Variants in JAZF1 observed in about 807,000 individuals in gnomAD.
The protein encoded by JAZF1 is JAZF zinc finger 1, also known as juxtaposed with another zinc finger protein 1.
In JAZF1, 8 loss-of-function variants were observed where a neutral mutation model predicts 26.4. The observed-to-expected ratio is 0.30, with a 90% confidence interval of 0.18 to 0.55. JAZF1 has a LOEUF of 0.55. JAZF1 is among the 20% of genes least tolerant of loss of function. The pLI is 0.94. For synonymous variants in JAZF1, 126 were observed against 122.3 expected, an observed-to-expected ratio of 1.03 and a Z score of -0.20; for missense variants, 199 against 322.0, an observed-to-expected ratio of 0.62 and a Z score of 2.92.
At chr7:28,171,553 AC>A (rs1174303823) in intron 1 of JAZF1, among the ~76,000 whole-genome samples, 2 of 152,270 alleles carry the variant, frequency 1.3e-5, no homozygotes, top group Admixed American at 6.5e-5. Flanking sequence ...TTCAGAGCAC[AC>A]CCCCGCTGGT....
chr7:28,080,265 T>C (rs901759620), intron 1 of JAZF1, among the ~76,000 whole-genome samples: 2 of 152,112 alleles, frequency 1.3e-5, no homozygotes, highest in Non-Finnish European at 2.9e-5. Context: ...CTTCATAGAA[T>C]TGAAGAGACT....
intron 1 of JAZF1, among the ~76,000 whole-genome samples, chr7:28,092,817 C>T (rs1290168246): frequency 1.3e-5 from 2 of 150,692 alleles, no homozygotes; most frequent in Non-Finnish European, 2.9e-5. Context: ...GCCGTAATTA[C>T]ACAACTGCAC....
chr7:27,929,071 C>T (rs1235649328), intron 2 of JAZF1, among the ~76,000 whole-genome samples: 2 of 152,216 alleles, frequency 1.3e-5, no homozygotes, highest in African/African-American at 4.8e-5. Context: ...AAACTGGCAA[C>T]TCAGTTTTCT....
At chr7:28,046,677 T>C (rs1783502190) in intron 1 of JAZF1, among the ~76,000 whole-genome samples, 1 of 152,230 alleles carries the variant, frequency 6.6e-6, no homozygotes, top group Non-Finnish European at 1.5e-5. Context: ...ATCATTTTCA[T>C]TTTTGGCAAT....
At position 27,929,881 on chromosome 7, in the gene JAZF1, C is replaced by A. The variant is rs185429886; in HGVS notation, c.189-34465G>T. 4.6e-5 allele frequency among the ~76,000 whole-genome samples: 7 copies of A among 151,708 alleles called. No individual in the cohort carries two copies. The East Asian group carries it at 1.2e-3, about 25-fold the overall frequency. The stretch of plus-strand genomic sequence containing the variant: ...ATCAACAGTGGTTATCTCTGGGGAG[C>A]AAAATTTTGGGAGAATTTATTTCCT... On this transcript the variant is annotated intron_variant, in intron 2 of 4. Coordinates refer to ENST00000283928, the MANE Select transcript of JAZF1 (RefSeq NM_175061.4).
At chr7:27,906,609 G>A (rs1282370028) in intron 2 of JAZF1, among the ~76,000 whole-genome samples, 1 of 152,184 alleles carries the variant, frequency 6.6e-6, no homozygotes, top group African/African-American at 2.4e-5. Context: ...TATCAGTGAA[G>A]CAATTAATTT....
intron 1 of JAZF1, among the ~76,000 whole-genome samples, chr7:28,051,343 C>T (rs562458236): frequency 2.6e-5 from 4 of 151,566 alleles, no homozygotes; most frequent in African/African-American, 9.7e-5. Flanking sequence ...TCTTAGCCTC[C>T]CAAGTAGCTG....
intron 2 of JAZF1, among the ~76,000 whole-genome samples, chr7:27,900,421 T>C (rs1784145956): frequency 6.6e-6 from 1 of 152,256 alleles, no homozygotes; most frequent in Non-Finnish European, 1.5e-5. Context: ...TTTGGTAGAA[T>C]TATTTATAAC....
chr7:27,962,003 T>C (rs1785193417), intron 2 of JAZF1, among the ~76,000 whole-genome samples: 1 of 152,198 alleles, frequency 6.6e-6, no homozygotes. Flanking sequence ...TGAGCTCTGT[T>C]ACCTTATCTA....
intron 3 of JAZF1, among the ~76,000 whole-genome samples, chr7:27,875,119 T>C (rs915025940): frequency 1.3e-5 from 2 of 152,304 alleles, no homozygotes; most frequent in Non-Finnish European, 2.9e-5. Flanking sequence ...TCCTTGACTG[T>C]AGGCTGCCCC....
intron 1 of JAZF1, among the ~76,000 whole-genome samples, chr7:28,033,672 G>A (rs1164272030): frequency 6.6e-6 from 1 of 152,158 alleles, no homozygotes; most frequent in South Asian, 2.1e-4. Context: ...CAAATGACAT[G>A]CACCTCTTTC....
Position 27,895,362 on chromosome 7 carries a change from C to T in JAZF1, c.243G>A (p.Gln81=). 1 of 1,608,514 alleles carries T rather than the reference C, an allele frequency of 6.2e-7. No homozygotes were observed. The highest frequency in any genetic ancestry group is 8.5e-7 in the Non-Finnish European group (1 of 1,177,574). The stretch of plus-strand genomic sequence containing the variant: ...TGGACAGAGTCAGCGAGAGCTTCGG[C>T]TGAATCTTCTTCTTTAGGGACTCCT... The part of the protein sequence containing the change: ...REQESLKKKI[Q]PKLSLTLSSS... The change falls in exon 3 of 5, where the codon CAG becomes CAA. Residue 81 remains glutamine (Q), a synonymous_variant. Coordinates refer to ENST00000283928, the MANE Select transcript of JAZF1 (RefSeq NM_175061.4).
chr7:27,983,590 A>G (rs1465674573), intron 2 of JAZF1, among the ~76,000 whole-genome samples: 1 of 152,228 alleles, frequency 6.6e-6, no homozygotes, highest in Non-Finnish European at 1.5e-5. Flanking sequence ...AATTCAGGAA[A>G]TACAGAGAAC....
chr7:27,933,347 A>G (rs1023186979), intron 2 of JAZF1, among the ~76,000 whole-genome samples: 2 of 152,178 alleles, frequency 1.3e-5, no homozygotes, highest in Non-Finnish European at 2.9e-5. Flanking sequence ...CCAAGCATGG[A>G]GAGGGTAAGA....
intron 3 of JAZF1, among the ~76,000 whole-genome samples, chr7:27,885,081 G>GA (rs1783835311): frequency 6.6e-6 from 1 of 152,200 alleles, no homozygotes; most frequent in South Asian, 2.1e-4. Flanking sequence ...TAAAGACTTT[G>GA]AGATGCCCTT....
chr7:27,861,160 C>G (rs1020563115), intron 3 of JAZF1, among the ~76,000 whole-genome samples: 1 of 152,230 alleles, frequency 6.6e-6, no homozygotes, highest in Non-Finnish European at 1.5e-5. Flanking sequence ...CTGAGCTGCA[C>G]TAACTCCCAT....
In JAZF1 at chr7:28,046,426, C is replaced by T. The variant is rs1010405430; in HGVS notation, c.116-54445G>A. ...ATGGCATTACATATAATGAATACTCCAAATTTTATTTAATCTGTTCCCTTA... is the reference window on the plus strand; with the variant it reads ...ATGGCATTACATATAATGAATACTCTAAATTTTATTTAATCTGTTCCCTTA... On this transcript the variant is annotated intron_variant, in intron 1 of 4. Coordinates refer to ENST00000283928, the MANE Select transcript of JAZF1 (RefSeq NM_175061.4). Among the ~76,000 whole-genome samples, 9 of 152,296 alleles carry T rather than the reference C, an allele frequency of 5.9e-5. No individual in the cohort carries two copies. In the East Asian group the frequency reaches 1.7e-3, roughly 29 times the overall value.
chr7:28,109,021 G>A (rs1784597952), intron 1 of JAZF1, among the ~76,000 whole-genome samples: 1 of 152,350 alleles, frequency 6.6e-6, no homozygotes, highest in South Asian at 2.1e-4. Flanking sequence ...ACAGAGGGTA[G>A]AATTAGAATG....
intron 3 of JAZF1, among the ~76,000 whole-genome samples, chr7:27,870,841 G>A (rs1012930934): frequency 6.6e-6 from 1 of 152,106 alleles, no homozygotes; most frequent in Non-Finnish European, 1.5e-5. Context: ...ATACACCAGC[G>A]CACGCATCCA....
Sources: allele counts gnomAD v4.1 joint callset (sites outside exome capture counted in the v4.1 genomes callset), GRCh38; gene constraint gnomAD v4.1.1; transcripts MANE v1.5; gene names NCBI Gene and HGNC (gene_info 2026-07-23, HGNC 2026-07-21).